COG3: variants seen among roughly 807,000 people sequenced by gnomAD.
The protein encoded by COG3 is conserved oligomeric Golgi complex subunit 3.
A neutral mutation model predicts 114.1 loss-of-function variants in COG3; 32 were observed. The observed-to-expected ratio is 0.28, with a 90% CI of 0.21 to 0.38. The LOEUF (loss-of-function observed/expected upper bound fraction) is 0.38, where lower values mean the gene tolerates loss of function less well. Ranked by LOEUF, COG3 falls within the 10% of genes least tolerant of loss-of-function variation. The pLI is 1.00. For missense variants in COG3, 813 were observed against 973.2 expected, an observed-to-expected ratio of 0.84 and a Z score of 2.19; for synonymous variants, 352 against 365.7, an observed-to-expected ratio of 0.96 and a Z score of 0.43.
At chr13:45,472,289 A>C (rs1329534147) in intron 1 of COG3, among the ~76,000 whole-genome samples, 3 of 152,118 alleles carry the variant, frequency 2.0e-5, no homozygotes, top group African/African-American at 7.2e-5. Context: ...TATGATGTGC[A>C]CAGAGGGGTT....
At chr13:45,492,734 C>G (rs931811842) in intron 11 of COG3, among the ~76,000 whole-genome samples, 1 of 152,150 alleles carries the variant, frequency 6.6e-6, no homozygotes, top group Non-Finnish European at 1.5e-5. Context: ...AAGCTCATGA[C>G]TCTTGTAATG....
At chr13:45,516,486 A>G (rs143501881) in intron 17 of COG3, among the ~76,000 whole-genome samples, 73 of 152,302 alleles carry the variant, frequency 4.8e-4, no homozygotes, top group Middle Eastern at 6.8e-3. Flanking sequence ...TCAGTTTGTA[A>G]TATTAGACTC....
intron 8 of COG3, among the ~76,000 whole-genome samples, chr13:45,489,109 C>A (rs557111425): frequency 1.4e-4 from 20 of 146,362 alleles, no homozygotes; most frequent in Non-Finnish European, 2.5e-4. Context: ...ACTGCTTGAA[C>A]CCAGGAAGTC....
At chr13:45,486,665 A>C (rs1886689966) in intron 8 of COG3, 90 bp downstream of exon 8, 3 of 799,900 alleles carry the variant, frequency 3.8e-6, no homozygotes, top group Non-Finnish European at 6.7e-6. Context: ...CTTTGTTTAT[A>C]CCGAGGAAGT....
At chr13:45,496,776 C>T (rs904859406) in intron 13 of COG3, among the ~76,000 whole-genome samples, 2 of 151,946 alleles carry the variant, frequency 1.3e-5, no homozygotes, top group African/African-American at 4.8e-5. Context: ...CGGGTTCGCG[C>T]CATTCTCCTG....
intron 8 of COG3, among the ~76,000 whole-genome samples, chr13:45,489,747 A>G (rs1176927002): frequency 6.6e-6 from 1 of 152,096 alleles, no homozygotes; most frequent in Non-Finnish European, 1.5e-5. Context: ...GGGGTGATTT[A>G]ATTTTTAAAA....
Position 45,465,051 on chromosome 13 carries a change from G to C in COG3, c.15G>C (p.Ala5=). MAEA[A]LLLLPEAAAE... is the part of the protein sequence containing the mutation. The stretch of plus-strand genomic sequence containing the variant: ...GGGCGGCGGCGATGGCGGAGGCGGC[G>C]CTGTTGCTGCTGCCTGAGGCGGCGG... The change falls in exon 1 of 23, where the codon GCG becomes GCC. Residue 5 remains alanine, a synonymous_variant. Coordinates refer to ENST00000349995, the MANE Select transcript of COG3 (RefSeq NM_031431.4). 1 of 1,582,096 alleles carries C rather than the reference G, an allele frequency of 6.3e-7. No homozygotes were observed. The highest frequency in any genetic ancestry group is 8.6e-7 in the Non-Finnish European group (1 of 1,165,836).
At position 45,534,734 on chromosome 13, in the gene COG3, A is replaced by G; in HGVS notation, c.*3A>G. ...TTCTGCTGTTGGTTTCTAAATAAGC[A>G]GGCCAGCCGGGCTGTGCACCTAAAT... On this transcript the variant is annotated 3_prime_UTR_variant, in exon 23 of 23. Coordinates refer to ENST00000349995, the MANE Select transcript of COG3 (RefSeq NM_031431.4). The G allele has an allele frequency of 6.4e-7, 1 of 1,561,586 alleles. No homozygotes were observed. Among genetic ancestry groups the G allele is most frequent in the Non-Finnish European group, 8.7e-7 (1 of 1,152,212 alleles).
At chr13:45,525,942 C>A (rs2137921085) in intron 20 of COG3, among the ~76,000 whole-genome samples, 1 of 151,790 alleles carries the variant, frequency 6.6e-6, no homozygotes. Context: ...GAAAAATTGG[C>A]ATGCACAGTC....
intron 2 of COG3, 133 bp from the exon 3 acceptor site, chr13:45,478,872 A>T (rs989949864): frequency 1.9e-5 from 13 of 668,478 alleles, no homozygotes; most frequent in Non-Finnish European, 2.9e-5. Flanking sequence ...CCTGGCCTAA[A>T]ACTGATTATG....
chr13:45,476,875 G>A (rs749977644), intron 2 of COG3, among the ~76,000 whole-genome samples: 1 of 152,020 alleles, frequency 6.6e-6, no homozygotes, highest in African/African-American at 2.4e-5. Flanking sequence ...CCTATTAAGA[G>A]TCAAAGTTGA....
intron 7 of COG3, 62 bp downstream of exon 7, chr13:45,483,417 TC>T: frequency 7.3e-7 from 1 of 1,371,686 alleles, no homozygotes; most frequent in Non-Finnish European, 9.7e-7. Context: ...TCATTCATCT[TC>T]CATAATCTTT....
intron 3 of COG3, among the ~76,000 whole-genome samples, chr13:45,479,291 A>G (rs1320613946): frequency 6.6e-6 from 1 of 152,210 alleles, no homozygotes; most frequent in Non-Finnish European, 1.5e-5. Context: ...ATAGGTTAGG[A>G]GGGATAGATG....
rs114817685 is a variant in COG3 at position 45,516,098 on chromosome 13, T to A, written c.1810-45T>A. On this transcript the variant is annotated intron_variant, in intron 16 of 22. Coordinates refer to ENST00000349995, the MANE Select transcript of COG3 (RefSeq NM_031431.4). Reference sequence around the variant, plus strand: ...ATGTATGCTGTATATGCTTTTATTTTGATTTAATATGTGATCATATCCATT... The same window carrying A: ...ATGTATGCTGTATATGCTTTTATTTAGATTTAATATGTGATCATATCCATT... The A allele has an allele frequency of 9.6e-4, 1,351 of 1,413,972 alleles. 11 individuals carry two copies. In the African/African-American group the frequency reaches 0.016, roughly 17 times the overall value. 87.6% of individuals were successfully genotyped at this position (1,413,972 alleles called of 1,614,324 possible). A position where few individuals can be genotyped will look rare whatever the true frequency, so the allele number is the denominator to read the frequency against.
At chr13:45,472,080 A>G (rs1328240830) in intron 1 of COG3, among the ~76,000 whole-genome samples, 3 of 152,168 alleles carry the variant, frequency 2.0e-5, no homozygotes, top group African/African-American at 4.8e-5. Context: ...TTTTAAACAG[A>G]TAATTCTCTA....
chr13:45,483,171 A>T, intron 6 of COG3, 59 bp from the exon 7 acceptor site: 1 of 1,395,292 alleles, frequency 7.2e-7, no homozygotes, highest in Non-Finnish European at 9.8e-7. Context: ...TTTTCACTAA[A>T]AGCTTGCTTT....
At position 45,491,429 on chromosome 13, in the gene COG3, A is replaced by T; in HGVS notation, c.986A>T (p.Asn329Ile). ...TCTGTCAGATACCAACAACTGCTAA[A>T]TGATATCCACCAGTGTTACCTTGAT... ...EKIPEYQQLL[N>I]DIHQCYLDQR... Residue 329 changes from asparagine (N) to isoleucine (I), a missense_variant, in exon 10 of 23, where the codon AAT becomes ATT. By Grantham distance (149) the Asn-to-Ile change is moderately radical. This residue lies in a region of COG3 where 424 missense variants were observed against 430.6 expected (regional missense o/e 0.98). Coordinates refer to ENST00000349995, the MANE Select transcript of COG3 (RefSeq NM_031431.4). 1 of 1,610,382 alleles carries T rather than the reference A, an allele frequency of 6.2e-7. No individual in the cohort carries two copies.
intron 1 of COG3, among the ~76,000 whole-genome samples, chr13:45,475,719 C>T (rs1885816057): frequency 6.6e-6 from 1 of 151,954 alleles, no homozygotes; most frequent in Non-Finnish European, 1.5e-5. Flanking sequence ...AATCTCAGCA[C>T]TTTGGAAGGC....
chr13:45,505,305 CTT>C (rs34378614), intron 14 of COG3, among the ~76,000 whole-genome samples: 2 of 145,156 alleles, frequency 1.4e-5, no homozygotes, highest in Admixed American at 6.8e-5. Flanking sequence ...ATCCTGCTTC[CTT>C]TTTTTTTTTT....
Sources: gnomAD v4.1 joint callset for allele counts (sites outside exome capture counted in the v4.1 genomes callset) on GRCh38, gnomAD v4.1.1 for gene constraint, gnomAD v4.1.1 regional missense constraint, MANE v1.5 for transcripts, NCBI Gene and HGNC (gene_info 2026-07-23, HGNC 2026-07-21) for gene names.